PCDHGB7: variants seen among roughly 807,000 people sequenced by gnomAD.
PCDHGB7 encodes the protein protocadherin gamma-B7.
Under a neutral mutation model 61.4 loss-of-function variants are expected in PCDHGB7, and 37 were observed. The observed-to-expected ratio is 0.60, with a 90% CI of 0.46 to 0.79. PCDHGB7 has a LOEUF of 0.79. Ranked by LOEUF, PCDHGB7 falls within the 30% of genes least tolerant of loss-of-function variation. The pLI is 0.00. For synonymous variants in PCDHGB7, 464 were observed against 503.5 expected (o/e 0.92, Z 1.05); for missense variants, 1,166 against 1,202.5 (o/e 0.97, Z 0.45).
At chr5:141,423,090 G>T in intron 1 of PCDHGB7, 5 of 1,614,022 alleles carry the variant, frequency 3.1e-6, no homozygotes, top group South Asian at 2.2e-5. Context: ...TCGCGGTGGG[G>T]GAGCACACGG....
chr5:141,489,830 A>G lies in PCDHGB7; in HGVS notation c.2416-4977A>G, dbSNP rs760376311. On this transcript the variant is annotated intron_variant, in intron 1 of 3. Coordinates refer to ENST00000398594, the MANE Select transcript of PCDHGB7 (RefSeq NM_018927.4). The surrounding 1 kb of genome is among the most constrained non-coding windows in gnomAD (Gnocchi z 4.5). ...AAGCCATTCCCAGAGCTGGTGCTAG[A>G]GCAGCAGCTGGATCGTGAAGCCCAG... 1.9e-6 allele frequency: 3 copies of G among 1,614,200 alleles called. No individual in the cohort carries two copies. Among genetic ancestry groups the G allele is most frequent in the East Asian group, 2.2e-5 (1 of 44,878 alleles).
chr5:141,431,296 C>T lies in PCDHGB7; in HGVS notation c.2415+11022C>T, dbSNP rs2097358592. On this transcript the variant is annotated intron_variant, in intron 1 of 3. Transcript: ENST00000398594. The surrounding 1 kb of genome is among the most constrained non-coding windows in gnomAD (Gnocchi z 4.8). ...AGCTCAGCCCGAACACTCACTTCTC[C>T]CTCATCGTGCAAAATGGAGCCGACG... The T allele has an allele frequency of 1.9e-6, 3 of 1,614,018 alleles. No individual in the cohort carries two copies. Among genetic ancestry groups the T allele is most frequent in the Non-Finnish European group, 2.5e-6 (3 of 1,180,048 alleles).
chr5:141,463,596 C>T (rs922480221), intron 1 of PCDHGB7, among the ~76,000 whole-genome samples: 5 of 151,874 alleles, frequency 3.3e-5, no homozygotes, highest in Admixed American at 2.0e-4. Flanking sequence ...CTACAGGTGC[C>T]TGCCACCATG....
intron 2 of PCDHGB7, among the ~76,000 whole-genome samples, chr5:141,495,912 CTT>C (rs1210428397): frequency 6.6e-6 from 1 of 152,140 alleles, no homozygotes; most frequent in Admixed American, 6.6e-5. Flanking sequence ...CTCTGTATAT[CTT>C]TCTTTGTCTC....
At chr5:141,500,184 T>A (rs889800014) in intron 2 of PCDHGB7, among the ~76,000 whole-genome samples, 89 of 135,966 alleles carry the variant, frequency 6.5e-4, no homozygotes, top group African/African-American at 2.4e-3. Flanking sequence ...TCATTTTTAT[T>A]TTTATTTATT....
chr5:141,474,900 T>C (rs577411783), intron 1 of PCDHGB7, among the ~76,000 whole-genome samples: 2 of 152,368 alleles, frequency 1.3e-5, no homozygotes, highest in South Asian at 2.1e-4. Flanking sequence ...TCATTTCTTG[T>C]TCAAGGATAT....
intron 1 of PCDHGB7, among the ~76,000 whole-genome samples, chr5:141,446,193 T>C (rs1402824950): frequency 6.6e-6 from 1 of 152,208 alleles, no homozygotes; most frequent in East Asian, 1.9e-4. Flanking sequence ...TTTATTATTA[T>C]ATTCCTAGGT....
intron 2 of PCDHGB7, among the ~76,000 whole-genome samples, chr5:141,501,212 A>G (rs936235563): frequency 1.9e-4 from 29 of 150,770 alleles, no homozygotes; most frequent in Admixed American, 1.8e-3. Flanking sequence ...TGTCAGGGTG[A>G]CTTCCTAGAT....
chr5:141,479,342 G>A (rs926832955), intron 1 of PCDHGB7: 1 of 152,486 alleles, frequency 6.6e-6, no homozygotes, highest in Admixed American at 6.5e-5. Flanking sequence ...TGCACCTGTA[G>A]TTCTTGCTGC....
Position 141,421,691 on chromosome 5 carries a change from T to A in PCDHGB7, c.2415+1417T>A, listed in dbSNP as rs1175919580. ...GCAATTCCTGGGGCGCGATTTGCTC[T>A]TCCTAATGCTAGGGATCCAGATGTG... On this transcript the variant is annotated intron_variant, in intron 1 of 3. Coordinates refer to ENST00000398594, the MANE Select transcript of PCDHGB7 (RefSeq NM_018927.4). 6.2e-7 allele frequency: 1 copy of A among 1,613,816 alleles called. No individual in the cohort carries two copies. The highest frequency in any genetic ancestry group is 1.3e-5 in the African/African-American group (1 of 74,938).
intron 1 of PCDHGB7, among the ~76,000 whole-genome samples, chr5:141,451,724 A>G (rs2098722682): frequency 6.6e-6 from 1 of 152,170 alleles, no homozygotes; most frequent in Non-Finnish European, 1.5e-5. Context: ...TCTACTAAAA[A>G]TACAAAAATT....
In PCDHGB7 at chr5:141,491,715, G is replaced by A. The variant is rs1333909488; in HGVS notation, c.2416-3092G>A. 1 of 1,607,782 alleles carries A rather than the reference G, an allele frequency of 6.2e-7. No individual in the cohort carries two copies. Among genetic ancestry groups the A allele is most frequent in the Admixed American group, 1.7e-5 (1 of 58,966 alleles). On this transcript the variant is annotated intron_variant, in intron 1 of 3. Transcript: ENST00000398594. This position sits in a 1 kb window ranked among gnomAD's most constrained non-coding sequence, Gnocchi z 6.9. ...AGCGGAGCCAGGTGAGGGGCTCGGC[G>A]CCGCCCCGGGCGACCCCTGGGGGCG...
rs2099613082 is a variant in PCDHGB7, at chr5:141,485,421, C to T, written c.2416-9386C>T. ...TTCCGTGTGGATTTGGACAGCGGAG[C>T]CCTGCTCATCAAGAACCCAATCGAC... On this transcript the variant is annotated intron_variant, in intron 1 of 3. Coordinates refer to ENST00000398594, the MANE Select transcript of PCDHGB7 (RefSeq NM_018927.4). The surrounding 1 kb of genome is among the most constrained non-coding windows in gnomAD (Gnocchi z 5.7). The T allele has an allele frequency of 6.2e-7, 1 of 1,614,112 alleles. No individual in the cohort carries two copies. Among genetic ancestry groups the T allele is most frequent in the Non-Finnish European group, 8.5e-7 (1 of 1,180,010 alleles).
intron 3 of PCDHGB7, among the ~76,000 whole-genome samples, chr5:141,510,266 C>T (rs1202092142): frequency 7.0e-6 from 1 of 143,198 alleles, no homozygotes; most frequent in Non-Finnish European, 1.5e-5. Flanking sequence ...GAGCAGGACT[C>T]CATCTTAAAA....
rs1590086455 is a variant in PCDHGB7 at position 141,418,080 on chromosome 5, A to T, written c.221A>T (p.His74Leu). ...CTGCGAGTGAGCGCGGAGAAGCTGC[A>T]CTTCAGCGTAGACGCGCAGAGCGGG... is the stretch of plus-strand genomic sequence containing the variant. ...RELRVSAEKL[H>L]FSVDAQSGDL... is the part of the protein sequence containing the mutation. Residue 74 changes from histidine (H) to leucine (L), a missense_variant, in exon 1 of 4, where the codon CAC becomes CTC. Physicochemically the swap from His to Leu is moderately conservative, Grantham distance 99. Coordinates refer to ENST00000398594, the MANE Select transcript of PCDHGB7 (RefSeq NM_018927.4). 6.2e-7 allele frequency: 1 copy of T among 1,614,046 alleles called. No individual in the cohort carries two copies. Among genetic ancestry groups the T allele is most frequent in the East Asian group, 2.2e-5 (1 of 44,880 alleles).
intron 1 of PCDHGB7, among the ~76,000 whole-genome samples, chr5:141,460,922 ATATGTGTGTGTG>A: frequency 6.6e-6 from 1 of 151,042 alleles, no homozygotes; most frequent in Non-Finnish European, 1.5e-5. Context: ...GTATATATAT[ATATGTGTGTGTG>A]TATATATATG....
Position 141,431,054 on chromosome 5 carries a change from G to T in PCDHGB7, c.2415+10780G>T. 6.2e-7 allele frequency: 1 copy of T among 1,614,198 alleles called. No individual in the cohort carries two copies. The highest frequency in any genetic ancestry group is 8.5e-7 in the Non-Finnish European group (1 of 1,180,004). ...AGACCGGGAGGAGCTCTGTATGGGG[G>T]CCATCAAGTGTCAATTAAATCTAGA... On this transcript the variant is annotated intron_variant, in intron 1 of 3. Transcript: ENST00000398594. This position sits in a 1 kb window ranked among gnomAD's most constrained non-coding sequence, Gnocchi z 4.8.
rs561392729 is a variant in PCDHGB7, at chr5:141,475,706, G to T, written c.2416-19101G>T. On this transcript the variant is annotated intron_variant, in intron 1 of 3. Transcript: ENST00000398594. ...GGATTGGAGACTTGCAGAACGGCTA[G>T]CCTCACAGCCCCAAGGCTGGCTTTC... Among the ~76,000 whole-genome samples the T allele has an allele frequency of 7.2e-5, 11 of 152,364 alleles. 1 individual carries two copies. In the South Asian group the frequency reaches 2.3e-3, roughly 32 times the overall value.
chr5:141,491,513 A>C lies in PCDHGB7; in HGVS notation c.2416-3294A>C, dbSNP rs1163218369. On this transcript the variant is annotated intron_variant, in intron 1 of 3. Coordinates refer to ENST00000398594, the MANE Select transcript of PCDHGB7 (RefSeq NM_018927.4). The surrounding 1 kb of genome is among the most constrained non-coding windows in gnomAD (Gnocchi z 6.9). ...CAGGTGAGCTCGGACGGCACGCTCAAGTACATGGAGGTGACGCTGCGGCCC... is the reference window on the plus strand; with the variant it reads ...CAGGTGAGCTCGGACGGCACGCTCACGTACATGGAGGTGACGCTGCGGCCC... The C allele has an allele frequency of 6.2e-7, 1 of 1,613,934 alleles. No individual in the cohort carries two copies. Among genetic ancestry groups the C allele is most frequent in the East Asian group, 2.2e-5 (1 of 44,888 alleles).
Sources: allele counts gnomAD v4.1 joint callset (sites outside exome capture counted in the v4.1 genomes callset), GRCh38; gene constraint gnomAD v4.1.1; non-coding constraint Gnocchi (gnomAD v3.1); transcripts MANE v1.5; gene names NCBI Gene and HGNC (gene_info 2026-07-23, HGNC 2026-07-21).